EML6: variants seen among roughly 807,000 people sequenced by gnomAD.
The protein encoded by EML6 is EMAP like 6, also known as echinoderm microtubule-associated protein-like 6.
A neutral mutation model predicts 240.1 loss-of-function variants in EML6; 154 were observed. The observed-to-expected ratio is 0.64, with a 90% CI of 0.56 to 0.73. The LOEUF is 0.73. EML6 is among the 30% of genes least tolerant of loss of function. EML6 has a pLI of 0.00. For missense variants in EML6, 2,964 were observed against 2,474.6 expected (o/e 1.20, Z -4.20); for synonymous variants, 1,148 against 899.0 (o/e 1.28, Z -4.95).
intron 10 of EML6, 88 bp from the exon 11 acceptor site, chr2:54,853,555 A>T (rs2103774636): frequency 1.1e-6 from 1 of 881,238 alleles, no homozygotes; most frequent in African/African-American, 1.7e-5. Flanking sequence ...GTATTTACAA[A>T]AGTTTTCTTA....
chr2:54,922,871 G>T (rs975191802), intron 26 of EML6, among the ~76,000 whole-genome samples: 1 of 151,706 alleles, frequency 6.6e-6, no homozygotes. Context: ...GAGAGTAGAA[G>T]GGTGGTGGCC....
intron 2 of EML6, among the ~76,000 whole-genome samples, chr2:54,756,665 G>T (rs1032266292): frequency 7.9e-5 from 12 of 151,004 alleles, no homozygotes; most frequent in Admixed American, 2.6e-4. Flanking sequence ...CCTTTTTTTT[G>T]ATTTGGGGTT....
rs773377673 is a variant in EML6, at chr2:54,964,169, G to T, written c.5330+11G>T. On this transcript the variant is annotated intron_variant, in intron 37 of 41. Transcript: ENST00000356458. ...TATCCAAGATATCAGGTACCTAAGT[G>T]GGTGGTCTGGGCATGGAGGAGAAAG... 5 of 1,550,556 alleles carry T rather than the reference G, an allele frequency of 3.2e-6. No homozygotes were observed. Among genetic ancestry groups the T allele is most frequent in the South Asian group, 1.2e-5 (1 of 83,848 alleles).
At chr2:54,831,964 T>C (rs1364422239) in intron 7 of EML6, among the ~76,000 whole-genome samples, 1 of 152,224 alleles carries the variant, frequency 6.6e-6, no homozygotes, top group Non-Finnish European at 1.5e-5. Context: ...TTTAAAACTT[T>C]GCTTTAAACT....
At chr2:54,924,714 G>A (rs1390485442) in intron 26 of EML6, among the ~76,000 whole-genome samples, 10 of 151,960 alleles carry the variant, frequency 6.6e-5, no homozygotes, top group African/African-American at 1.2e-4. Flanking sequence ...GGTGCCTGCT[G>A]CCATACCTGG....
In EML6 at chr2:54,894,816, T is replaced by C. The variant is rs935401881; in HGVS notation, c.2743-99T>C. 2.5e-5 allele frequency: 17 copies of C among 684,964 alleles called. No individual in the cohort carries two copies. In the East Asian group the frequency reaches 4.6e-4, roughly 19 times the overall value. 42.4% of individuals were successfully genotyped at this position (684,964 alleles called of 1,614,324 possible). ...ATCTCATATATTTAGGAAGGTAGCA[T>C]CCACAAAGCTTCCTTACCTGCGGGG... On this transcript the variant is annotated intron_variant, in intron 19 of 41. Transcript: ENST00000356458.
intron 18 of EML6, among the ~76,000 whole-genome samples, chr2:54,892,239 C>G (rs1672510990): frequency 6.6e-6 from 1 of 152,184 alleles, no homozygotes; most frequent in African/African-American, 2.4e-5. Context: ...GAGCGCTGCA[C>G]TTACCACATG....
chr2:54,884,015 G>C (rs982970738), intron 17 of EML6, among the ~76,000 whole-genome samples: 10 of 152,088 alleles, frequency 6.6e-5, no homozygotes, highest in Non-Finnish European at 1.0e-4. Flanking sequence ...CAAACTTGTG[G>C]GGATTTCTCC....
chr2:54,746,616 A>G (rs1051381017), intron 2 of EML6, among the ~76,000 whole-genome samples: 1 of 152,190 alleles, frequency 6.6e-6, no homozygotes, highest in African/African-American at 2.4e-5. Context: ...CAAATTTTAC[A>G]GAATTCAGGA....
Position 54,957,919 on chromosome 2 carries a change from C to A in EML6, c.4616C>A (p.Ala1539Asp), listed in dbSNP as rs1042984321. The part of the protein sequence containing the change: ...HMKFWTLAGS[A>D]LLYKKGVIGS... ...AAGTTCTGGACCCTGGCAGGCAGCG[C>A]CTTGCTTTACAAGAAAGGGGTCATC... The change falls in exon 33 of 42, where the codon GCC (alanine) becomes GAC (aspartate). Residue 1539 changes from alanine (A) to aspartate (D), a missense_variant. Physicochemically the swap from Ala to Asp is moderately radical, Grantham distance 126. Transcript: ENST00000356458. 8 of 1,551,682 alleles carry A rather than the reference C, an allele frequency of 5.2e-6. No individual in the cohort carries two copies. The East Asian group carries it at 1.7e-4, about 33-fold the overall frequency.
intron 15 of EML6, among the ~76,000 whole-genome samples, chr2:54,870,447 T>A (rs1322628569): frequency 6.6e-6 from 1 of 152,006 alleles, no homozygotes; most frequent in African/African-American, 2.4e-5. Context: ...GCTTTTAAAT[T>A]GTTTTTTAAA....
rs1676858692 is a variant in EML6, at chr2:54,968,706, G to A, written c.5790G>A (p.Val1930=). The A allele has an allele frequency of 6.4e-7, 1 of 1,551,386 alleles. No individual in the cohort carries two copies. Among genetic ancestry groups the A allele is most frequent in the Non-Finnish European group, 8.7e-7 (1 of 1,146,784 alleles). ...GATACTTCGGTCACTCGGCTCACGT[G>A]ACGAACATCCGTTTCTCTTATGATG... ...HKRYFGHSAH[V]TNIRFSYDDK... Residue 1930 remains valine (V), a synonymous_variant, in exon 41 of 42, where the codon GTG becomes GTA. Transcript: ENST00000356458.
chr2:54,927,288 T>C (rs1674601609), intron 26 of EML6, among the ~76,000 whole-genome samples: 1 of 152,188 alleles, frequency 6.6e-6, no homozygotes, highest in Admixed American at 6.5e-5. Flanking sequence ...TATTACAAAG[T>C]CACGAACCCT....
At chr2:54,835,263 C>T (rs747796232) in intron 7 of EML6, among the ~76,000 whole-genome samples, 10 of 152,200 alleles carry the variant, frequency 6.6e-5, no homozygotes, top group African/African-American at 9.6e-5. Flanking sequence ...ATGTTCTTGG[C>T]TATTGTCTGT....
intron 17 of EML6, among the ~76,000 whole-genome samples, chr2:54,886,843 C>T (rs1245159994): frequency 1.3e-5 from 2 of 152,118 alleles, no homozygotes; most frequent in Middle Eastern, 3.2e-3. Context: ...CACCCATGTT[C>T]AAGTTTTTAG....
At chr2:54,855,098 A>G (rs1670301709) in intron 11 of EML6, among the ~76,000 whole-genome samples, 1 of 152,218 alleles carries the variant, frequency 6.6e-6, no homozygotes, top group Non-Finnish European at 1.5e-5. Flanking sequence ...ATTAGAAAAG[A>G]AAGCATGTGT....
intron 2 of EML6, among the ~76,000 whole-genome samples, chr2:54,795,399 T>C (rs1239615704): frequency 6.6e-6 from 1 of 152,050 alleles, no homozygotes; most frequent in Non-Finnish European, 1.5e-5. Flanking sequence ...CTGCCCCCAT[T>C]ATCCAGTTAC....
intron 35 of EML6, among the ~76,000 whole-genome samples, chr2:54,961,184 G>GTTGTTTTTTTTTTTGTTTTTTTTTTTTT: frequency 1.8e-5 from 1 of 55,424 alleles, no homozygotes; most frequent in Non-Finnish European, 3.2e-5. Context: ...TCAGGAAGTA[G>GTTGTTTTTTTTTTTGTTTTTTTTTTTTT]TTTTTTTTTT....
chr2:54,726,606 G>T (rs936658395), intron 2 of EML6, among the ~76,000 whole-genome samples: 1 of 152,130 alleles, frequency 6.6e-6, no homozygotes, highest in African/African-American at 2.4e-5. Flanking sequence ...TTCATGTCAC[G>T]TATGACACAA....
Sources: allele counts gnomAD v4.1 joint callset (sites outside exome capture counted in the v4.1 genomes callset), GRCh38; gene constraint gnomAD v4.1.1; transcripts MANE v1.5; gene names NCBI Gene and HGNC (gene_info 2026-07-23, HGNC 2026-07-21).